SPIDR: variants seen among roughly 807,000 people sequenced by gnomAD.
SPIDR encodes scaffold protein involved in DNA repair.
A neutral mutation model predicts 104.6 loss-of-function variants in SPIDR; 93 were observed. The ratio of observed to expected loss-of-function variants is 0.89; its 90% CI spans 0.75 to 1.06. SPIDR has a LOEUF of 1.06. SPIDR is among the 50% of genes least tolerant of loss of function. The pLI is 0.00. For synonymous variants in SPIDR, 431 were observed against 416.9 expected, an observed-to-expected ratio of 1.03 and a Z score of -0.41; for missense variants, 1,154 against 1,111.2, an observed-to-expected ratio of 1.04 and a Z score of -0.55.
At chr8:47,561,860 G>C (rs576352699) in intron 8 of SPIDR, among the ~76,000 whole-genome samples, 7 of 152,304 alleles carry the variant, frequency 4.6e-5, no homozygotes, top group African/African-American at 1.7e-4. Flanking sequence ...CAAAGAAGTG[G>C]TTTTGAAATA....
chr8:47,618,408 T>G (rs557492408), intron 10 of SPIDR, among the ~76,000 whole-genome samples: 16 of 152,326 alleles, frequency 1.1e-4, no homozygotes, highest in African/African-American at 3.6e-4. Flanking sequence ...TGTAATATAA[T>G]ATTACCAAGG....
At chr8:47,322,273 C>T (rs191073031) in intron 5 of SPIDR, among the ~76,000 whole-genome samples, 90 of 152,220 alleles carry the variant, frequency 5.9e-4, no homozygotes, top group Middle Eastern at 3.4e-3. Context: ...AGAAAGTGGT[C>T]GAAGGATATG....
At chr8:47,702,965 G>A (rs1197711142) in intron 14 of SPIDR, among the ~76,000 whole-genome samples, 4 of 152,216 alleles carry the variant, frequency 2.6e-5, no homozygotes, top group Admixed American at 6.5e-5. Flanking sequence ...AGCAACCTCG[G>A]CCAGGTGCCC....
chr8:47,497,090 C>T (rs147446289), intron 8 of SPIDR, among the ~76,000 whole-genome samples: 1 of 150,972 alleles, frequency 6.6e-6, no homozygotes, highest in East Asian at 2.0e-4. Context: ...ACAATTTGAG[C>T]CTTCTCTCAT....
chr8:47,525,065 C>T (rs1019364298), intron 8 of SPIDR, among the ~76,000 whole-genome samples: 6 of 152,310 alleles, frequency 3.9e-5, no homozygotes, highest in African/African-American at 1.4e-4. Context: ...GCATTCTTCC[C>T]GGACTAGGGT....
intron 5 of SPIDR, among the ~76,000 whole-genome samples, chr8:47,347,012 C>T (rs1240660206): frequency 6.6e-6 from 1 of 152,130 alleles, no homozygotes; most frequent in Non-Finnish European, 1.5e-5. Flanking sequence ...AAGGTGTTTG[C>T]TCTTGCTGCT....
At chr8:47,391,384 T>A (rs1461307706) in intron 5 of SPIDR, among the ~76,000 whole-genome samples, 1 of 150,614 alleles carries the variant, frequency 6.6e-6, no homozygotes. Flanking sequence ...CAAAAAAAAA[T>A]TTAAAAATAG....
chr8:47,277,311 GTTTGTTATGTTATGTTATGT>G lies in SPIDR; in HGVS notation c.34-2549_34-2530del, dbSNP rs1304943652. ...TTTATTTTATTTTAATTTATGTTATGTTTGTTATGTTATGTTATGTTATGTTATGTTATGTTATGTTATGT... is the reference window on the plus strand; with the variant it reads ...TTTATTTTATTTTAATTTATGTTATGTATGTTATGTTATGTTATGTTATGT... On this transcript the variant is annotated intron_variant, in intron 1 of 19. Coordinates refer to ENST00000297423, the MANE Select transcript of SPIDR (RefSeq NM_001080394.4). Among the ~76,000 whole-genome samples the G allele has an allele frequency of 2.7e-3, 350 of 128,390 alleles. 4 individuals carry two copies. Among genetic ancestry groups the G allele is most frequent in the Middle Eastern group, 0.016 (4 of 254 alleles). 84.2% of individuals were successfully genotyped at this position (128,390 alleles called of 152,430 possible).
intron 10 of SPIDR, among the ~76,000 whole-genome samples, chr8:47,670,252 G>A (rs926101505): frequency 2.6e-5 from 4 of 152,024 alleles, no homozygotes; most frequent in Non-Finnish European, 2.9e-5. Flanking sequence ...AGCAAGTCAC[G>A]TGAGGAGTTA....
intron 10 of SPIDR, among the ~76,000 whole-genome samples, chr8:47,663,851 G>A (rs1442713159): frequency 6.6e-6 from 1 of 152,192 alleles, no homozygotes; most frequent in Admixed American, 6.5e-5. Flanking sequence ...CCAGCTTTCA[G>A]AATAGCAGAA....
intron 8 of SPIDR, among the ~76,000 whole-genome samples, chr8:47,482,380 A>T (rs1056894631): frequency 4.6e-5 from 7 of 151,976 alleles, no homozygotes; most frequent in African/African-American, 7.2e-5. Flanking sequence ...GGTTTCAGTG[A>T]GCTCAGATGT....
chr8:47,455,341 A>G (rs1235313934), intron 8 of SPIDR, among the ~76,000 whole-genome samples: 1 of 152,168 alleles, frequency 6.6e-6, no homozygotes, highest in Non-Finnish European at 1.5e-5. Context: ...GTAATTTCCC[A>G]GAAAATTATT....
intron 11 of SPIDR, among the ~76,000 whole-genome samples, chr8:47,690,531 C>A (rs2078492439): frequency 6.6e-6 from 1 of 151,576 alleles, no homozygotes; most frequent in African/African-American, 2.4e-5. Flanking sequence ...TTAAATAAAA[C>A]TAGCAGGCTG....
intron 16 of SPIDR, among the ~76,000 whole-genome samples, chr8:47,714,802 C>G (rs1175429036): frequency 6.6e-6 from 1 of 152,190 alleles, no homozygotes; most frequent in Non-Finnish European, 1.5e-5. Flanking sequence ...AACTCTTCCT[C>G]CACTCATGGA....
chr8:47,727,520 TG>T (rs1420296901), intron 17 of SPIDR, among the ~76,000 whole-genome samples: 3 of 152,184 alleles, frequency 2.0e-5, no homozygotes, highest in Non-Finnish European at 4.4e-5. Context: ...ATAGATGTGC[TG>T]GGTTTTGTCC....
chr8:47,586,799 C>T (rs547384575), intron 8 of SPIDR, among the ~76,000 whole-genome samples: 3 of 152,252 alleles, frequency 2.0e-5, no homozygotes, highest in Admixed American at 1.3e-4. Flanking sequence ...GAGGGAGTCT[C>T]GCTCTGTCGA....
chr8:47,515,221 C>G (rs2082935273), intron 8 of SPIDR, among the ~76,000 whole-genome samples: 1 of 152,170 alleles, frequency 6.6e-6, no homozygotes, highest in Non-Finnish European at 1.5e-5. Flanking sequence ...GTTTCTTCTG[C>G]TAAAAGATCT....
At chr8:47,524,354 T>A (rs1252077094) in intron 8 of SPIDR, among the ~76,000 whole-genome samples, 1 of 152,208 alleles carries the variant, frequency 6.6e-6, no homozygotes, top group African/African-American at 2.4e-5. Flanking sequence ...TCTCATATAC[T>A]CTCCTCCCAT....
At chr8:47,665,818 A>T (rs982877249) in intron 10 of SPIDR, among the ~76,000 whole-genome samples, 1 of 152,218 alleles carries the variant, frequency 6.6e-6, no homozygotes, top group Non-Finnish European at 1.5e-5. Context: ...TATGGTTTTG[A>T]TATGTTAAAA....
Sources: allele counts gnomAD v4.1 joint callset (sites outside exome capture counted in the v4.1 genomes callset), GRCh38; gene constraint gnomAD v4.1.1; transcripts MANE v1.5; gene names NCBI Gene and HGNC (gene_info 2026-07-23, HGNC 2026-07-21).